The following EMC3 variants were observed in gnomAD, a reference collection of about 807,000 sequenced individuals.
EMC3 encodes ER membrane protein complex subunit 3.
A neutral mutation model predicts 36.6 loss-of-function variants in EMC3; 13 were observed. That is an observed-to-expected ratio of 0.35 (90% CI 0.23 to 0.56). The LOEUF is 0.56. EMC3 is among the 20% of genes least tolerant of loss of function. EMC3 has a pLI of 0.84. For missense variants in EMC3, 220 were observed against 324.5 expected (o/e 0.68, Z 2.47); for synonymous variants, 120 against 111.9 (o/e 1.07, Z -0.46).
At chr3:10,003,049 G>T in intron 1 of EMC3, 1 of 452,118 alleles carries the variant, frequency 2.2e-6, no homozygotes, top group Non-Finnish European at 4.4e-6. Flanking sequence ...TCAACAAGCC[G>T]CCCAGCATGA....
intron 1 of EMC3, among the ~76,000 whole-genome samples, chr3:9,998,573 G>GT (rs1405431232): frequency 6.6e-6 from 1 of 151,622 alleles, no homozygotes; most frequent in Admixed American, 6.6e-5. Flanking sequence ...GGGTCTACAG[G>GT]TACCTGCCAC....
chr3:9,989,343 G>A (rs2086017684), upstream of EMC3, among the ~76,000 whole-genome samples: 1 of 152,138 alleles, frequency 6.6e-6, no homozygotes, highest in East Asian at 1.9e-4. Flanking sequence ...CTGAGGTCAG[G>A]AGTTTGAGAC....
chr3:9,968,724 A>C (rs1028153929), intron 7 of EMC3: 1 of 151,594 alleles, frequency 6.6e-6, no homozygotes, highest in African/African-American at 2.4e-5. Flanking sequence ...GGCTCACTAC[A>C]GCCTCCGCCT....
chr3:10,001,227 G>T (rs1165295373), intron 1 of EMC3, among the ~76,000 whole-genome samples: 1 of 151,908 alleles, frequency 6.6e-6, no homozygotes, highest in Non-Finnish European at 1.5e-5. Context: ...TTGAAAAGAT[G>T]GTCCTTTCAC....
intron 3 of EMC3, among the ~76,000 whole-genome samples, chr3:9,975,918 T>A (rs1277957079): frequency 1.3e-5 from 2 of 152,126 alleles, no homozygotes; most frequent in African/African-American, 4.8e-5. Context: ...TTTTGTTTCT[T>A]GTAAATTTTC....
intron 7 of EMC3, among the ~76,000 whole-genome samples, chr3:9,966,156 C>T (rs6762397): frequency 0.35 from 53,136 of 151,794 alleles, 12,276 homozygotes; most frequent in African/African-American, 0.66. Flanking sequence ...ACATCCTTAC[C>T]GACACTTGTT....
chr3:9,987,820 CAGG>C, upstream of EMC3: 1 of 578,768 alleles, frequency 1.7e-6, no homozygotes, highest in South Asian at 1.7e-5. Flanking sequence ...CTCAGTCTTT[CAGG>C]AGATTGTCAT....
At position 9,979,358 on chromosome 3, in the gene EMC3, C is replaced by A. The variant is rs557990618; in HGVS notation, c.156-1912G>T. On this transcript the variant is annotated intron_variant, in intron 1 of 7. Transcript: ENST00000245046. ...GATTAGAAATTTAAAAAACAAAAAA[C>A]CCCAAAACTGGTCCTTCACCATTGA... 7.2e-4 allele frequency among the ~76,000 whole-genome samples: 110 copies of A among 152,238 alleles called. 1 individual carries two copies. In the South Asian group the frequency reaches 0.018, roughly 25 times the overall value.
chr3:10,004,138 C>T (rs1399047282), intron 1 of EMC3: 2 of 152,170 alleles, frequency 1.3e-5, no homozygotes, highest in Non-Finnish European at 2.9e-5. Context: ...CATTAGGGTC[C>T]TCTCAGCAAA....
chr3:9,969,530 CAAGAATTTCCATTTACTTA>C, intron 7 of EMC3, 170 bp downstream of exon 7: 1 of 1,472,890 alleles, frequency 6.8e-7, no homozygotes, highest in Non-Finnish European at 9.0e-7. Context: ...GTAAAAGCAC[CAAGAATTTCCATTTACTTA>C]ATAGATGATT....
intron 1 of EMC3, among the ~76,000 whole-genome samples, chr3:10,005,482 A>C (rs1017786435): frequency 6.6e-6 from 1 of 152,234 alleles, no homozygotes; most frequent in African/African-American, 2.4e-5. Flanking sequence ...TCAGGAATAC[A>C]GTAGGTAGAA....
upstream of EMC3, chr3:9,988,330 G>A (rs575319992): frequency 4.8e-6 from 4 of 829,916 alleles, no homozygotes; most frequent in African/African-American, 5.0e-5. Context: ...GTTCTTTTCT[G>A]GTAGGTAGAA....
upstream of EMC3, among the ~76,000 whole-genome samples, chr3:9,990,329 T>C (rs1480655110): frequency 1.4e-5 from 2 of 140,162 alleles, no homozygotes; most frequent in African/African-American, 5.6e-5. Context: ...CTTTCTCTTT[T>C]TTTTTTTTTT....
chr3:9,972,041 A>C (rs1365743243), intron 5 of EMC3, among the ~76,000 whole-genome samples: 2 of 152,274 alleles, frequency 1.3e-5, no homozygotes, highest in East Asian at 1.9e-4. Flanking sequence ...ATTCAGAAGG[A>C]GAAATCTCTT....
At chr3:9,984,335 C>T (rs1399812063) in intron 1 of EMC3, among the ~76,000 whole-genome samples, 1 of 151,898 alleles carries the variant, frequency 6.6e-6, no homozygotes, top group Admixed American at 6.6e-5. Flanking sequence ...CTGCCTCGGC[C>T]TCTCAAAGTG....
At position 9,963,777 on chromosome 3, in the gene EMC3, A is replaced by C; in HGVS notation, c.*292T>G. 1 of 255,820 alleles carries C rather than the reference A, an allele frequency of 3.9e-6. No individual in the cohort carries two copies. The highest frequency in any genetic ancestry group is 7.3e-6 in the Non-Finnish European group (1 of 136,414). The allele number at this position is 255,820 out of a possible 1,614,324, so 15.8% of individuals were successfully genotyped here. A position where few individuals can be genotyped will look rare whatever the true frequency, so the allele number is the denominator to read the frequency against. Reference sequence around the variant, plus strand: ...AGGCGTGAGCCACTGCGCCTGGCCAAGATTTTATATATTATCAGTAGCCTG... The same window carrying C: ...AGGCGTGAGCCACTGCGCCTGGCCACGATTTTATATATTATCAGTAGCCTG... On this transcript the variant is annotated 3_prime_UTR_variant, in exon 8 of 8. Transcript: ENST00000245046.
rs749980943 is a variant in EMC3, at chr3:10,008,207, C to T, written c.-242+2816G>A. ...GCTGTCCTGTGAGAGGGCACATTCC[C>T]CAGGCGTGGCTTTTACTATCACTGG... On this transcript the variant is annotated intron_variant, in intron 1 of 8. Coordinates refer to the EMC3 transcript ENST00000470827. The T allele has an allele frequency of 1.7e-4, 63 of 369,204 alleles. No individual in the cohort carries two copies. The Middle Eastern group carries it at 4.0e-3, about 23-fold the overall frequency. The allele number at this position is 369,204 out of a possible 1,614,324, so 22.9% of individuals were successfully genotyped here.
chr3:9,973,559 A>C, intron 5 of EMC3, 69 bp downstream of exon 5: 1 of 1,422,058 alleles, frequency 7.0e-7, no homozygotes, highest in African/African-American at 1.4e-5. Flanking sequence ...TCATGGGCTC[A>C]AGTGATCCTC....
At position 9,963,830 on chromosome 3, in the gene EMC3, T is replaced by A. The variant is rs1007702207; in HGVS notation, c.*239A>T. Reference sequence around the variant, plus strand: ...GTTTCCCCCTTTCTCTGACTTTCATTACTAGAGTCACCAGAAGGAACATTT... The same window carrying A: ...GTTTCCCCCTTTCTCTGACTTTCATAACTAGAGTCACCAGAAGGAACATTT... On this transcript the variant is annotated 3_prime_UTR_variant, in exon 8 of 8. Coordinates refer to ENST00000245046, the MANE Select transcript of EMC3 (RefSeq NM_001394674.1). 4 of 472,912 alleles carry A rather than the reference T, an allele frequency of 8.5e-6. No homozygotes were observed. The highest frequency in any genetic ancestry group is 7.9e-5 in the African/African-American group (4 of 50,614). The allele number at this position is 472,912 out of a possible 1,614,324, so 29.3% of individuals were successfully genotyped here. A position where few individuals can be genotyped will look rare whatever the true frequency, so the allele number is the denominator to read the frequency against.
Sources: gnomAD v4.1 joint callset for allele counts (sites outside exome capture counted in the v4.1 genomes callset) on GRCh38, gnomAD v4.1.1 for gene constraint, MANE v1.5 for transcripts, NCBI Gene and HGNC (gene_info 2026-07-23, HGNC 2026-07-21) for gene names.